Variants in ROBO1 observed in about 807,000 individuals in gnomAD.
The protein encoded by ROBO1 is roundabout guidance receptor 1, also known as roundabout homolog 1.
In ROBO1, 149 loss-of-function variants were observed where a neutral mutation model predicts 195.9. The observed-to-expected ratio is 0.76, with a 90% CI of 0.67 to 0.87. The LOEUF (loss-of-function observed/expected upper bound fraction) is 0.87. Ranked by LOEUF, ROBO1 falls within the 40% of genes least tolerant of loss-of-function variation. ROBO1 has a pLI of 0.00. For synonymous variants in ROBO1, 816 were observed against 733.2 expected, an observed-to-expected ratio of 1.11 and a Z score of -1.82; for missense variants, 1,933 against 2,068.3, an observed-to-expected ratio of 0.93 and a Z score of 1.27.
chr3:78,910,299 G>C (rs920442172), intron 4 of ROBO1, among the ~76,000 whole-genome samples: 1 of 151,826 alleles, frequency 6.6e-6, no homozygotes, highest in African/African-American at 2.4e-5. Context: ...ATACATAACA[G>C]AGGCAAACGT....
intron 18 of ROBO1, among the ~76,000 whole-genome samples, chr3:78,656,470 C>T (rs562333689): frequency 1.3e-3 from 194 of 151,596 alleles, no homozygotes; most frequent in Non-Finnish European, 2.0e-3. Context: ...CCTGCCTCAG[C>T]CTCCTAAGTA....
chr3:79,143,744 T>C (rs2080584616), intron 2 of ROBO1, among the ~76,000 whole-genome samples: 1 of 152,034 alleles, frequency 6.6e-6, no homozygotes, highest in Admixed American at 6.6e-5. Context: ...TGCAAAACTA[T>C]AGTACAGTAT....
chr3:79,089,633 C>T (rs2079438928), intron 3 of ROBO1, among the ~76,000 whole-genome samples: 1 of 152,072 alleles, frequency 6.6e-6, no homozygotes, highest in Middle Eastern at 3.2e-3. Context: ...AAAATTGTCT[C>T]CAATACATAC....
At chr3:79,308,153 G>A (rs1159724606) in intron 2 of ROBO1, among the ~76,000 whole-genome samples, 1 of 152,104 alleles carries the variant, frequency 6.6e-6, no homozygotes, top group African/African-American at 2.4e-5. Flanking sequence ...GTACTTGTAA[G>A]GAGTTGTTTT....
intron 4 of ROBO1, among the ~76,000 whole-genome samples, chr3:78,822,047 G>A (rs547054642): frequency 1.3e-4 from 19 of 151,472 alleles, no homozygotes; most frequent in African/African-American, 4.4e-4. Context: ...AGGAGAAAAA[G>A]CTGATGTATA....
intron 2 of ROBO1, among the ~76,000 whole-genome samples, chr3:79,477,786 C>T (rs1938620091): frequency 6.6e-6 from 1 of 152,072 alleles, no homozygotes; most frequent in Non-Finnish European, 1.5e-5. Context: ...AGTTTAGGTA[C>T]ATTATGTAAT....
intron 1 of ROBO1, among the ~76,000 whole-genome samples, chr3:79,629,471 A>G (rs1325041071): frequency 6.6e-6 from 1 of 152,046 alleles, no homozygotes; most frequent in Admixed American, 6.6e-5. Context: ...ACATACCGAA[A>G]CCTCGGGGAT....
At chr3:79,612,963 T>C (rs1944710299) in intron 1 of ROBO1, among the ~76,000 whole-genome samples, 1 of 40,156 alleles carries the variant, frequency 2.5e-5, no homozygotes. Context: ...AACATAAAAA[T>C]CATGTAGTAC....
intron 17 of ROBO1, among the ~76,000 whole-genome samples, chr3:78,658,569 A>G (rs1707182558): frequency 6.6e-6 from 1 of 152,230 alleles, no homozygotes; most frequent in Admixed American, 6.5e-5. Context: ...GGCGTGAGCC[A>G]CAGCGCCCAA....
chr3:79,253,811 G>A (rs1453881178), intron 2 of ROBO1, among the ~76,000 whole-genome samples: 1 of 152,178 alleles, frequency 6.6e-6, no homozygotes, highest in African/African-American at 2.4e-5. Context: ...CCCTAAAGAT[G>A]AGCATTCTGA....
At chr3:79,580,168 A>C (rs1943613630) in intron 2 of ROBO1, among the ~76,000 whole-genome samples, 1 of 152,078 alleles carries the variant, frequency 6.6e-6, no homozygotes. Flanking sequence ...GAAAAATGTC[A>C]TGTCATAATA....
At chr3:78,960,100 G>T (rs2041260048) in intron 3 of ROBO1, among the ~76,000 whole-genome samples, 1 of 152,034 alleles carries the variant, frequency 6.6e-6, no homozygotes, top group Non-Finnish European at 1.5e-5. Context: ...AGGAATTCAA[G>T]GCTGTAATGC....
At chr3:79,170,394 C>A (rs1276411113) in intron 2 of ROBO1, among the ~76,000 whole-genome samples, 1 of 152,126 alleles carries the variant, frequency 6.6e-6, no homozygotes, top group Non-Finnish European at 1.5e-5. Flanking sequence ...GGTCACTCTT[C>A]TTAAATTAGT....
intron 4 of ROBO1, among the ~76,000 whole-genome samples, chr3:78,808,214 TA>T (rs1434961949): frequency 1.3e-5 from 2 of 152,216 alleles, no homozygotes; most frequent in African/African-American, 4.8e-5. Flanking sequence ...TATTTTATTT[TA>T]TTTTTTTGAG....
In ROBO1 at chr3:79,273,053, C is replaced by G. The variant is rs144920125; in HGVS notation, c.89-147514G>C. Among the ~76,000 whole-genome samples the G allele has an allele frequency of 2.3e-3, 350 of 152,080 alleles. 5 individuals carry two copies. Among genetic ancestry groups the G allele is most frequent in the Non-Finnish European group, 4.7e-4 (32 of 67,980 alleles). On this transcript the variant is annotated intron_variant, in intron 2 of 30. Coordinates refer to ENST00000464233, the MANE Select transcript of ROBO1 (RefSeq NM_002941.4). ...AAGGAGAAATAAAGACCTTCGCAGA[C>G]AAACAAAAGCTGAGTGATTTCGTCA...
At chr3:78,663,435 C>T (rs536162321) in intron 14 of ROBO1, among the ~76,000 whole-genome samples, 3 of 152,222 alleles carry the variant, frequency 2.0e-5, no homozygotes, top group East Asian at 1.9e-4. Context: ...ACAGCCTCTA[C>T]GGAGTAAACA....
rs753439088 is a variant in ROBO1 at position 78,958,819 on chromosome 3, CTT to C, written c.173-19894_173-19893del. Among the ~76,000 whole-genome samples the C allele has an allele frequency of 5.0e-3, 656 of 130,548 alleles. 2 individuals carry two copies. The highest frequency in any genetic ancestry group is 9.2e-3 in the Non-Finnish European group (562 of 61,118). 85.6% of individuals were successfully genotyped at this position (130,548 alleles called of 152,430 possible). ...GGATGCTTGGTCACCCTTTCTTCTTCTTTTTTTTTTTTTTTTTTTCCTTGAGA... is the reference window on the plus strand; with the variant it reads ...GGATGCTTGGTCACCCTTTCTTCTTCTTTTTTTTTTTTTTTTTCCTTGAGA... On this transcript the variant is annotated intron_variant, in intron 3 of 30. Coordinates refer to ENST00000464233, the MANE Select transcript of ROBO1 (RefSeq NM_002941.4).
At chr3:79,009,632 A>G (rs6548605) in intron 3 of ROBO1, among the ~76,000 whole-genome samples, 147,711 of 152,312 alleles carry the variant, frequency 0.97, 71,683 homozygotes, top group East Asian at 1. Flanking sequence ...TTTGATAGCT[A>G]TCACAGACTT....
At chr3:78,636,494 C>G (rs1188978209) in intron 22 of ROBO1, among the ~76,000 whole-genome samples, 1 of 151,904 alleles carries the variant, frequency 6.6e-6, no homozygotes, top group East Asian at 1.9e-4. Flanking sequence ...TTATTTGAAG[C>G]TACTGGTTAG....
Sources: gnomAD v4.1 joint callset for allele counts (sites outside exome capture counted in the v4.1 genomes callset) on GRCh38, gnomAD v4.1.1 for gene constraint, MANE v1.5 for transcripts, NCBI Gene and HGNC (gene_info 2026-07-23, HGNC 2026-07-21) for gene names.